EHD3: variants seen among roughly 807,000 people sequenced by gnomAD.
EHD3 encodes the protein EH domain-containing protein 3.
Under a neutral mutation model 43.0 loss-of-function variants are expected in EHD3, and 17 were observed. That is an observed-to-expected ratio of 0.40 (90% CI 0.27 to 0.59). The LOEUF (loss-of-function observed/expected upper bound fraction) is 0.59. Ranked by LOEUF, EHD3 falls within the 20% of genes least tolerant of loss-of-function variation. EHD3 has a pLI of 0.49. For synonymous variants in EHD3, 313 were observed against 289.5 expected (o/e 1.08, Z -0.82); for missense variants, 594 against 705.6 (o/e 0.84, Z 1.79).
rs973195437 is a variant in EHD3 at position 31,268,274 on chromosome 2, A to G, written c.*1570A>G. On this transcript the variant is annotated 3_prime_UTR_variant, in exon 6 of 6. Transcript: ENST00000322054. ...TGTGATGGAAAACAAAATGAGTATAACTTATTTTATATCCATATTCAGACT... is the reference window on the plus strand; with the variant it reads ...TGTGATGGAAAACAAAATGAGTATAGCTTATTTTATATCCATATTCAGACT... 6 of 152,604 alleles carry G rather than the reference A, an allele frequency of 3.9e-5. No homozygotes were observed. The highest frequency in any genetic ancestry group is 8.8e-5 in the Non-Finnish European group (6 of 68,042). The allele number at this position is 152,604 out of a possible 1,614,324, so 9.5% of individuals were successfully genotyped here.
intron 3 of EHD3, among the ~76,000 whole-genome samples, chr2:31,255,174 C>G (rs1167493788): frequency 1.3e-5 from 2 of 152,370 alleles, no homozygotes; most frequent in East Asian, 3.9e-4. Flanking sequence ...AGCCAGCAGA[C>G]TTGTGCTATG....
At position 31,266,259 on chromosome 2, in the gene EHD3, A is replaced by G. The variant is rs774564354; in HGVS notation, c.1163A>G (p.His388Arg). ...GAGGTAGTGGACGACATGCTGGCCC[A>G]TGACATTGCCCAGCTCATGGTGCTA... ...LLEVVDDMLA[H>R]DIAQLMVLVR... The change falls in exon 6 of 6, where the codon CAT (histidine) becomes CGT (arginine). Residue 388 changes from histidine (H) to arginine (R), a missense_variant. Physicochemically the swap from His to Arg is conservative, Grantham distance 29. Coordinates refer to ENST00000322054, the MANE Select transcript of EHD3 (RefSeq NM_014600.3). The surrounding 1 kb of genome is among the most constrained non-coding windows in gnomAD (Gnocchi z 5.1). The G allele has an allele frequency of 1.2e-5, 19 of 1,614,222 alleles. No homozygotes were observed. The highest frequency in any genetic ancestry group is 1.5e-5 in the Non-Finnish European group (18 of 1,180,046).
chr2:31,245,745 T>G (rs865948496), intron 2 of EHD3, among the ~76,000 whole-genome samples: 120 of 142,398 alleles, frequency 8.4e-4, no homozygotes, highest in South Asian at 2.0e-3. Context: ...GTTTTTTTTT[T>G]TTTTTTTTTT....
intron 1 of EHD3, among the ~76,000 whole-genome samples, chr2:31,238,337 C>G (rs192379405): frequency 2.6e-5 from 4 of 152,196 alleles, no homozygotes; most frequent in African/African-American, 9.7e-5. Context: ...CCTCTTTATT[C>G]CCCCAGTTCT....
In EHD3 at chr2:31,260,332, A is replaced by C. The variant is rs148095243; in HGVS notation, c.503-178A>C. ...TTAACAGTATTTTTAGACGAAAAAA[A>C]TTCTATGAGACATTGAGTAATTTGC... is the stretch of plus-strand genomic sequence containing the variant. On this transcript the variant is annotated intron_variant, in intron 3 of 5. Transcript: ENST00000322054. This position sits in a 1 kb window ranked among gnomAD's most constrained non-coding sequence, Gnocchi z 4.6. 3.9e-5 allele frequency among the ~76,000 whole-genome samples: 6 copies of C among 152,322 alleles called. No homozygotes were observed. The South Asian group carries it at 1.2e-3, about 32-fold the overall frequency.
intron 3 of EHD3, among the ~76,000 whole-genome samples, chr2:31,249,867 G>T (rs1004644093): frequency 6.6e-6 from 1 of 152,172 alleles, no homozygotes; most frequent in Non-Finnish European, 1.5e-5. Context: ...CAGCTCAATG[G>T]TATCAGTGCC....
chr2:31,257,772 T>C (rs913142256), intron 3 of EHD3, among the ~76,000 whole-genome samples: 3 of 152,178 alleles, frequency 2.0e-5, no homozygotes, highest in Admixed American at 6.5e-5. Flanking sequence ...GGAGGGTTGA[T>C]GATGCCCCTG....
rs775189280 is a variant in EHD3 at position 31,245,528 on chromosome 2, AAT to A, written c.404+1103_404+1104del. Among the ~76,000 whole-genome samples the A allele has an allele frequency of 3.4e-3, 258 of 75,042 alleles. 2 individuals carry two copies. The highest frequency in any genetic ancestry group is 0.012 in the African/African-American group (203 of 17,012). 49.2% of individuals were successfully genotyped at this position (75,042 alleles called of 152,430 possible). A position where few individuals can be genotyped will look rare whatever the true frequency, so the allele number is the denominator to read the frequency against. ...AGGATTCTCGATGTCTCTTATCCCA[AAT>A]ATATATATATATATATATATATATT... On this transcript the variant is annotated intron_variant, in intron 2 of 5. Coordinates refer to ENST00000322054, the MANE Select transcript of EHD3 (RefSeq NM_014600.3).
chr2:31,255,953 T>A lies in EHD3; in HGVS notation c.503-4557T>A, dbSNP rs535557896. Among the ~76,000 whole-genome samples, 16 of 152,316 alleles carry A rather than the reference T, an allele frequency of 1.1e-4. No individual in the cohort carries two copies. In the East Asian group the frequency reaches 1.9e-3, roughly 18 times the overall value. On this transcript the variant is annotated intron_variant, in intron 3 of 5. Coordinates refer to ENST00000322054, the MANE Select transcript of EHD3 (RefSeq NM_014600.3). Reference sequence around the variant, plus strand: ...TGCTGTGCCTGCAAAGGGTCCCTTGTAGCTAATCTCCATCCATCCTGTTGT... The same window carrying A: ...TGCTGTGCCTGCAAAGGGTCCCTTGAAGCTAATCTCCATCCATCCTGTTGT...
intron 1 of EHD3, among the ~76,000 whole-genome samples, chr2:31,240,785 G>T (rs1203085225): frequency 1.3e-5 from 2 of 152,164 alleles, no homozygotes; most frequent in Non-Finnish European, 2.9e-5. Flanking sequence ...CATTTTTGAG[G>T]CTGCCTCAGA....
rs1266371746 is a variant in EHD3, at chr2:31,243,452, C to CTT, written c.228-820_228-819dup. ...TCTTTCTTTCTTTCTTTCTTTCTTT[C>CTT]TTTCTTTCTTTTTTTTTTTTTGAGA... On this transcript the variant is annotated intron_variant, in intron 1 of 5. Coordinates refer to ENST00000322054, the MANE Select transcript of EHD3 (RefSeq NM_014600.3). 6.8e-3 allele frequency among the ~76,000 whole-genome samples: 237 copies of CTT among 34,822 alleles called. 4 individuals are homozygous for CTT. The highest frequency in any genetic ancestry group is 0.014 in the African/African-American group (149 of 10,638). The allele number at this position is 34,822 out of a possible 152,430, so 22.8% of individuals were successfully genotyped here. A position where few individuals can be genotyped will look rare whatever the true frequency, so the allele number is the denominator to read the frequency against.
At chr2:31,240,043 A>T (rs1457475067) in intron 1 of EHD3, among the ~76,000 whole-genome samples, 4 of 152,138 alleles carry the variant, frequency 2.6e-5, no homozygotes, top group African/African-American at 7.2e-5. Flanking sequence ...GAATCCCTTC[A>T]TCACATGGCT....
rs765574464 is a variant in EHD3 at position 31,244,466 on chromosome 2, AC to A, written c.404+17del. 8.7e-6 allele frequency: 14 copies of A among 1,610,032 alleles called. No individual in the cohort carries two copies. The highest frequency in any genetic ancestry group is 1.2e-5 in the Non-Finnish European group (14 of 1,177,234). On this transcript the variant is annotated intron_variant, in intron 2 of 5. Transcript: ENST00000322054. Reference sequence around the variant, plus strand: ...TCTTGAACAGGTGAGTGTGGAGGGAACACAACACTTTCAGGTGCTCTCTTTT... The same window carrying A: ...TCTTGAACAGGTGAGTGTGGAGGGAAACAACACTTTCAGGTGCTCTCTTTT...
rs1462015270 is a variant in EHD3 at position 31,267,715 on chromosome 2, T to C, written c.*1011T>C. 2.0e-5 allele frequency: 3 copies of C among 152,304 alleles called. No homozygotes were observed. Among genetic ancestry groups the C allele is most frequent in the Non-Finnish European group, 4.4e-5 (3 of 68,040 alleles). 9.4% of individuals were successfully genotyped at this position (152,304 alleles called of 1,614,324 possible). A position where few individuals can be genotyped will look rare whatever the true frequency, so the allele number is the denominator to read the frequency against. On this transcript the variant is annotated 3_prime_UTR_variant, in exon 6 of 6. Transcript: ENST00000322054. ...AGGGCCTCAGACCCTCACACACTTGTCTGTGCTATGATGTATGCAGGATCC... is the reference window on the plus strand; with the variant it reads ...AGGGCCTCAGACCCTCACACACTTGCCTGTGCTATGATGTATGCAGGATCC...
At chr2:31,256,266 C>G (rs1278441077) in intron 3 of EHD3, among the ~76,000 whole-genome samples, 2 of 152,200 alleles carry the variant, frequency 1.3e-5, no homozygotes, top group African/African-American at 4.8e-5. Context: ...GCAATGAGAA[C>G]AGCCAAGGTC....
intron 3 of EHD3, among the ~76,000 whole-genome samples, chr2:31,254,517 A>G (rs1270014923): frequency 1.3e-5 from 2 of 152,268 alleles, no homozygotes; most frequent in African/African-American, 4.8e-5. Context: ...TCTGGGAAGC[A>G]TCTAATGTGG....
At chr2:31,265,238 A>G (rs1683925685) in intron 5 of EHD3, among the ~76,000 whole-genome samples, 1 of 152,228 alleles carries the variant, frequency 6.6e-6, no homozygotes, top group Non-Finnish European at 1.5e-5. Context: ...AAAGTACAGT[A>G]TAGTAAATAT....
chr2:31,241,717 A>AC (rs565750010), intron 1 of EHD3, among the ~76,000 whole-genome samples: 318 of 152,178 alleles, frequency 2.1e-3, no homozygotes, highest in Non-Finnish European at 3.6e-3. Flanking sequence ...TGAGTTAAGT[A>AC]CCCCCTGAAG....
intron 1 of EHD3, among the ~76,000 whole-genome samples, chr2:31,239,301 C>T (rs938946052): frequency 7.2e-5 from 11 of 152,188 alleles, no homozygotes; most frequent in African/African-American, 2.7e-4. Flanking sequence ...CCCTGTCCAC[C>T]CACCAAGGCC....
Sources: allele counts gnomAD v4.1 joint callset (sites outside exome capture counted in the v4.1 genomes callset), GRCh38; gene constraint gnomAD v4.1.1; non-coding constraint Gnocchi (gnomAD v3.1); transcripts MANE v1.5; gene names NCBI Gene and HGNC (gene_info 2026-07-23, HGNC 2026-07-21).